Variants in EPHA6 observed in about 807,000 individuals in gnomAD.
EPHA6 encodes the protein ephrin type-A receptor 6.
In EPHA6, 50 loss-of-function variants were observed where a neutral mutation model predicts 112.0. The observed-to-expected ratio is 0.45, with a 90% CI of 0.36 to 0.56. The LOEUF is 0.56. EPHA6 is among the 20% of genes least tolerant of loss of function. EPHA6 has a pLI of 0.00. For synonymous variants in EPHA6, 529 were observed against 490.7 expected (o/e 1.08, Z -1.03); for missense variants, 1,280 against 1,417.4 (o/e 0.90, Z 1.56).
At chr3:97,569,825 T>G (rs1341557757) in intron 11 of EPHA6, 1 of 152,200 alleles carries the variant, frequency 6.6e-6, no homozygotes, top group South Asian at 2.1e-4. Flanking sequence ...AATGCATCTG[T>G]TTGTTGAAAA....
At chr3:97,641,890 C>A (rs372386873) in intron 14 of EPHA6, among the ~76,000 whole-genome samples, 97 of 151,730 alleles carry the variant, frequency 6.4e-4, no homozygotes, top group East Asian at 1.2e-3. Flanking sequence ...CCCAGGCTTG[C>A]TTAGGTAAAC....
intron 10 of EPHA6, among the ~76,000 whole-genome samples, chr3:97,487,531 A>G (rs961287200): frequency 6.6e-6 from 1 of 152,202 alleles, no homozygotes; most frequent in African/African-American, 2.4e-5. Flanking sequence ...GTCTTCCTCA[A>G]TCTTTGTCCT....
chr3:96,892,765 G>A (rs922873836), intron 2 of EPHA6, among the ~76,000 whole-genome samples: 7 of 152,082 alleles, frequency 4.6e-5, no homozygotes, highest in East Asian at 1.9e-4. Context: ...ATGAGATAAA[G>A]TTTGAAACCT....
chr3:96,920,259 A>T (rs1034718787), intron 2 of EPHA6, among the ~76,000 whole-genome samples: 1 of 151,982 alleles, frequency 6.6e-6, no homozygotes, highest in African/African-American at 2.4e-5. Context: ...CTTAAGTAAG[A>T]TCAAATTAAT....
intron 3 of EPHA6, among the ~76,000 whole-genome samples, chr3:97,026,386 C>T (rs545208379): frequency 1.3e-5 from 2 of 152,190 alleles, no homozygotes; most frequent in East Asian, 3.9e-4. Flanking sequence ...CCAGTTGATT[C>T]TTCCTATCCA....
At chr3:97,359,247 T>C (rs2084241579) in intron 5 of EPHA6, among the ~76,000 whole-genome samples, 1 of 152,030 alleles carries the variant, frequency 6.6e-6, no homozygotes, top group Non-Finnish European at 1.5e-5. Flanking sequence ...CCTCAACCAT[T>C]TTTTTCATTT....
chr3:97,177,938 C>T (rs1199457718), intron 3 of EPHA6, among the ~76,000 whole-genome samples: 1 of 151,846 alleles, frequency 6.6e-6, no homozygotes, highest in Non-Finnish European at 1.5e-5. Flanking sequence ...GAGTTTGGTC[C>T]ATTTACATTC....
intron 13 of EPHA6, among the ~76,000 whole-genome samples, chr3:97,615,503 C>T (rs910882110): frequency 5.3e-5 from 8 of 152,132 alleles, no homozygotes; most frequent in African/African-American, 9.7e-5. Context: ...CAGTAGCCTA[C>T]GGGATAAGAC....
At position 97,649,125 on chromosome 3, in the gene EPHA6, T is replaced by C. The variant is rs553836249; in HGVS notation, c.2784+11043T>C. On this transcript the variant is annotated intron_variant, in intron 14 of 17. Transcript: ENST00000389672. ...TAATAAAGACATATCTGAGACTGGG[T>C]GATTTATAAAGGATAGAGGTTTAAT... Among the ~76,000 whole-genome samples, 11 of 152,188 alleles carry C rather than the reference T, an allele frequency of 7.2e-5. No homozygotes were observed. In the South Asian group the frequency reaches 1.7e-3, roughly 23 times the overall value.
intron 13 of EPHA6, 50 bp downstream of exon 13, chr3:97,610,904 T>C (rs774529606): frequency 7.3e-7 from 1 of 1,361,342 alleles, no homozygotes; most frequent in Non-Finnish European, 1.0e-6. Flanking sequence ...CTCAGTTCTA[T>C]ATTTAAATCA....
chr3:97,233,309 C>CA (rs55764447), intron 4 of EPHA6, among the ~76,000 whole-genome samples: 14,553 of 86,138 alleles, frequency 0.17, 1,546 homozygotes, highest in Admixed American at 0.32. Context: ...ACAATGTATG[C>CA]AAAAAAAAAA....
intron 7 of EPHA6, among the ~76,000 whole-genome samples, chr3:97,472,307 G>A (rs182757769): frequency 6.6e-6 from 1 of 151,630 alleles, no homozygotes; most frequent in East Asian, 1.9e-4. Context: ...TCTTTTAAGG[G>A]TCTTGGGGAA....
At chr3:96,953,235 T>A (rs1400246114) in intron 2 of EPHA6, among the ~76,000 whole-genome samples, 2 of 152,124 alleles carry the variant, frequency 1.3e-5, no homozygotes, top group Admixed American at 6.6e-5. Flanking sequence ...TTGTTAAAAA[T>A]AAAGATGAAA....
intron 16 of EPHA6, among the ~76,000 whole-genome samples, chr3:97,744,254 T>C (rs1047923359): frequency 3.3e-5 from 5 of 151,988 alleles, no homozygotes; most frequent in African/African-American, 1.2e-4. Context: ...GTAAAGATAT[T>C]TCTCAGGTGG....
intron 13 of EPHA6, among the ~76,000 whole-genome samples, chr3:97,620,199 A>G (rs1386401681): frequency 2.6e-5 from 4 of 152,132 alleles, no homozygotes; most frequent in Admixed American, 6.6e-5. Context: ...GGGTACTGGT[A>G]TAACTGGCTA....
intron 12 of EPHA6, among the ~76,000 whole-genome samples, chr3:97,594,548 A>G (rs1399892395): frequency 6.6e-6 from 1 of 152,204 alleles, no homozygotes; most frequent in Non-Finnish European, 1.5e-5. Context: ...TTGATAAGTC[A>G]TCTCTGTACA....
chr3:97,182,635 G>C (rs886698192), intron 3 of EPHA6, among the ~76,000 whole-genome samples: 16 of 152,192 alleles, frequency 1.1e-4, no homozygotes, highest in Admixed American at 9.2e-4. Context: ...CAAGAAATCA[G>C]TCTAGTTTCA....
At chr3:96,860,142 T>A (rs753776584) in intron 1 of EPHA6, among the ~76,000 whole-genome samples, 1 of 152,116 alleles carries the variant, frequency 6.6e-6, no homozygotes, top group Non-Finnish European at 1.5e-5. Flanking sequence ...AAATGTATGA[T>A]GTAAAATCAG....
intron 5 of EPHA6, among the ~76,000 whole-genome samples, chr3:97,286,396 T>C (rs748553360): frequency 2.6e-5 from 4 of 152,164 alleles, no homozygotes; most frequent in Admixed American, 1.3e-4. Flanking sequence ...CTTAATTCAT[T>C]TGGAGTTGAT....
Sources: gnomAD v4.1 joint callset for allele counts (sites outside exome capture counted in the v4.1 genomes callset) on GRCh38, gnomAD v4.1.1 for gene constraint, MANE v1.5 for transcripts, NCBI Gene and HGNC (gene_info 2026-07-23, HGNC 2026-07-21) for gene names.